RHOBTB3: variants seen among roughly 807,000 people sequenced by gnomAD.
The protein encoded by RHOBTB3 is rho-related BTB domain-containing protein 3.
A neutral mutation model predicts 67.2 loss-of-function variants in RHOBTB3; 47 were observed. The ratio of observed to expected loss-of-function variants is 0.70; its 90% CI spans 0.55 to 0.89. The LOEUF is 0.89. RHOBTB3 is among the 40% of genes least tolerant of loss of function. The pLI, the probability that RHOBTB3 is intolerant of heterozygous loss-of-function variation, is 0.00. For synonymous variants in RHOBTB3, 273 were observed against 274.2 expected (o/e 1.00, Z 0.04); for missense variants, 631 against 750.0 (o/e 0.84, Z 1.85).
chr5:95,747,162 T>G (rs1465581114), intron 3 of RHOBTB3, among the ~76,000 whole-genome samples: 1 of 151,910 alleles, frequency 6.6e-6, no homozygotes, highest in Non-Finnish European at 1.5e-5. Flanking sequence ...GGCTCAGCCC[T>G]TGTCTGATTG....
At chr5:95,763,281 G>A (rs988910184) in intron 6 of RHOBTB3, among the ~76,000 whole-genome samples, 1 of 152,228 alleles carries the variant, frequency 6.6e-6, no homozygotes, top group Non-Finnish European at 1.5e-5. Flanking sequence ...GGTAGCAGCA[G>A]TCTGGGGAGG....
At chr5:95,745,307 C>T (rs778096471) in intron 3 of RHOBTB3, among the ~76,000 whole-genome samples, 1 of 152,072 alleles carries the variant, frequency 6.6e-6, no homozygotes, top group East Asian at 1.9e-4. Context: ...CTTTGTTACA[C>T]ATTTTTGACA....
At chr5:95,763,757 C>T (rs1561449239) in intron 7 of RHOBTB3, 137 bp downstream of exon 7, 2 of 566,612 alleles carry the variant, frequency 3.5e-6, no homozygotes, top group East Asian at 3.0e-5. Flanking sequence ...TATATTTTAC[C>T]ATTTAAATAT....
chr5:95,760,745 G>A (rs538809496), intron 6 of RHOBTB3, among the ~76,000 whole-genome samples: 1 of 152,166 alleles, frequency 6.6e-6, no homozygotes, highest in Non-Finnish European at 1.5e-5. Flanking sequence ...TATGCAAGAT[G>A]AGTAAGTTCT....
intron 6 of RHOBTB3, among the ~76,000 whole-genome samples, chr5:95,758,787 G>A (rs1386132498): frequency 6.6e-6 from 1 of 152,186 alleles, no homozygotes; most frequent in Admixed American, 6.5e-5. Context: ...TACCTGGAGT[G>A]GGGCATGAGA....
At chr5:95,780,520 A>G (rs1746017767) in intron 9 of RHOBTB3, 95 bp downstream of exon 9, 2 of 1,050,126 alleles carry the variant, frequency 1.9e-6, no homozygotes, top group African/African-American at 1.6e-5. Flanking sequence ...TTTTCATTTA[A>G]GATTTATTAG....
In RHOBTB3 at chr5:95,752,225, G is replaced by T. The variant is rs376257732; in HGVS notation, c.571-14G>T. ...TTTGTTGGATCTTCAATTAAAATTT[G>T]ATTCCTGTTTTAGTTGGAGTATTTT... On this transcript the variant is annotated splice_polypyrimidine_tract_variant and intron_variant, in intron 4 of 11. Transcript: ENST00000379982. 5.0e-4 allele frequency: 708 copies of T among 1,429,194 alleles called. No individual in the cohort carries two copies. The highest frequency in any genetic ancestry group is 5.9e-4 in the Non-Finnish European group (611 of 1,035,848). 88.5% of individuals were successfully genotyped at this position (1,429,194 alleles called of 1,614,324 possible).
intron 10 of RHOBTB3, among the ~76,000 whole-genome samples, chr5:95,785,357 C>T (rs1463064141): frequency 8.6e-5 from 13 of 152,040 alleles, no homozygotes; most frequent in Admixed American, 3.9e-4. Context: ...TTTGGGAGGC[C>T]GAGGCTGGCG....
chr5:95,794,234 A>T lies in RHOBTB3; in HGVS notation c.*1060A>T. 1 of 283,588 alleles carries T rather than the reference A, an allele frequency of 3.5e-6. No homozygotes were observed. The highest frequency in any genetic ancestry group is 3.2e-5 in the South Asian group (1 of 30,986). 17.6% of individuals were successfully genotyped at this position (283,588 alleles called of 1,614,324 possible). ...AATACTTTCTTGATCATTCTGTAAGACCAGGAGGTTGGTAAGAGTGACTAA... is the reference window on the plus strand; with the variant it reads ...AATACTTTCTTGATCATTCTGTAAGTCCAGGAGGTTGGTAAGAGTGACTAA... On this transcript the variant is annotated 3_prime_UTR_variant, in exon 12 of 12. Coordinates refer to ENST00000379982, the MANE Select transcript of RHOBTB3 (RefSeq NM_014899.4).
chr5:95,790,589 G>A (rs541805965), intron 11 of RHOBTB3, among the ~76,000 whole-genome samples: 6 of 152,284 alleles, frequency 3.9e-5, no homozygotes, highest in East Asian at 3.9e-4. Flanking sequence ...CTTCCAGTGC[G>A]ATGTGAGGTG....
Position 95,732,093 on chromosome 5 carries a change from G to C in RHOBTB3, c.228+9G>C, listed in dbSNP as rs2112768646. On this transcript the variant is annotated intron_variant, in intron 2 of 11. Transcript: ENST00000379982. ...ACGACTGTCCCGTCTGGGTAAGGAAGAGCAGCTGCTCCGCGCTGAGGCTGA... is the reference window on the plus strand; with the variant it reads ...ACGACTGTCCCGTCTGGGTAAGGAACAGCAGCTGCTCCGCGCTGAGGCTGA... The C allele has an allele frequency of 6.2e-7, 1 of 1,611,820 alleles. No individual in the cohort carries two copies. Among genetic ancestry groups the C allele is most frequent in the Non-Finnish European group, 8.5e-7 (1 of 1,177,876 alleles).
At chr5:95,765,569 T>C (rs1745518714) in intron 7 of RHOBTB3, among the ~76,000 whole-genome samples, 1 of 152,238 alleles carries the variant, frequency 6.6e-6, no homozygotes, top group Non-Finnish European at 1.5e-5. Flanking sequence ...ACAAATCATC[T>C]CTGTGGCTTT....
chr5:95,731,779 C>A (rs1219280841), intron 1 of RHOBTB3, 80 bp from the exon 2 acceptor site: 2 of 1,602,962 alleles, frequency 1.2e-6, no homozygotes, highest in Non-Finnish European at 1.7e-6. Context: ...CGCGCGCTGT[C>A]CCCCGCACTT....
chr5:95,727,369 G>A (rs1476411030), upstream of RHOBTB3, among the ~76,000 whole-genome samples: 2 of 152,114 alleles, frequency 1.3e-5, no homozygotes, highest in African/African-American at 4.8e-5. Flanking sequence ...CAGCTGTTAA[G>A]GAACCAACAC....
intron 2 of RHOBTB3, 198 bp downstream of exon 2, chr5:95,732,282 A>T: frequency 1.6e-6 from 1 of 622,302 alleles, no homozygotes; most frequent in Non-Finnish European, 2.9e-6. Context: ...ACTCTTAGGA[A>T]GATAGAAGGC....
At chr5:95,763,416 TA>T (rs1203126635) in intron 6 of RHOBTB3, 91 bp from the exon 7 acceptor site, 6 of 744,036 alleles carry the variant, frequency 8.1e-6, no homozygotes, top group African/African-American at 1.8e-5. Flanking sequence ...ATTAAAGCAC[TA>T]AAAAAAGGGA....
At chr5:95,760,515 C>A (rs1745366847) in intron 6 of RHOBTB3, among the ~76,000 whole-genome samples, 1 of 152,214 alleles carries the variant, frequency 6.6e-6, no homozygotes, top group South Asian at 2.1e-4. Context: ...TATGTGGAAG[C>A]AAGCTTTCAT....
Position 95,795,286 on chromosome 5 carries a change from T to G in RHOBTB3, c.*2112T>G, listed in dbSNP as rs1746537282. 1 of 152,190 alleles carries G rather than the reference T, an allele frequency of 6.6e-6. No individual in the cohort carries two copies. Among genetic ancestry groups the G allele is most frequent in the South Asian group, 2.1e-4 (1 of 4,828 alleles). The allele number at this position is 152,190 out of a possible 1,614,324, so 9.4% of individuals were successfully genotyped here. On this transcript the variant is annotated 3_prime_UTR_variant, in exon 12 of 12. Coordinates refer to ENST00000379982, the MANE Select transcript of RHOBTB3 (RefSeq NM_014899.4). The stretch of plus-strand genomic sequence containing the variant: ...ACTGGCAAATCCCATTTGACAAAGA[T>G]TAGCATTGTAAAAAACAGATACTGT...
chr5:95,769,017 C>A, intron 8 of RHOBTB3: 1 of 255,858 alleles, frequency 3.9e-6, no homozygotes, highest in South Asian at 5.3e-5. Flanking sequence ...ATTACCCAGT[C>A]TTTCCGCAGA....
Sources: allele counts gnomAD v4.1 joint callset (sites outside exome capture counted in the v4.1 genomes callset), GRCh38; gene constraint gnomAD v4.1.1; transcripts MANE v1.5; gene names NCBI Gene and HGNC (gene_info 2026-07-23, HGNC 2026-07-21).